Variants in CCDC24 observed in about 807,000 individuals in gnomAD.
CCDC24 encodes coiled-coil domain containing 24.
In CCDC24, 34 loss-of-function variants were observed where a neutral mutation model predicts 31.6. That is an observed-to-expected ratio of 1.08 (90% CI 0.82 to 1.43). The LOEUF (loss-of-function observed/expected upper bound fraction) is 1.43. Ranked by LOEUF, CCDC24 falls within the 40% of genes most tolerant of loss-of-function variation. The pLI, the probability that CCDC24 is intolerant of heterozygous loss-of-function variation, is 0.00. For synonymous variants in CCDC24, 175 were observed against 157.3 expected (o/e 1.11, Z -0.84); for missense variants, 426 against 391.1 (o/e 1.09, Z -0.75).
chr1:43,992,480 C>T, intron 3 of CCDC24, 43 bp from the exon 4 acceptor site: 1 of 1,613,248 alleles, frequency 6.2e-7, no homozygotes, highest in Middle Eastern at 1.7e-4. Flanking sequence ...CTGTGGTTTC[C>T]AGAAAGGAGC....
chr1:43,996,485 A>C lies in CCDC24; in HGVS notation c.*325A>C, dbSNP rs1393264728. On this transcript the variant is annotated 3_prime_UTR_variant, in exon 9 of 9. Transcript: ENST00000372318. ...CCCAGACAAAGCACAGCAGCCGCTCAGAGACAGGAATAGAAATTTCATTAA... is the reference window on the plus strand; with the variant it reads ...CCCAGACAAAGCACAGCAGCCGCTCCGAGACAGGAATAGAAATTTCATTAA... The C allele has an allele frequency of 2.9e-6, 1 of 344,314 alleles. No individual in the cohort carries two copies. Among genetic ancestry groups the C allele is most frequent in the African/African-American group, 2.1e-5 (1 of 47,286 alleles). 21.3% of individuals were successfully genotyped at this position (344,314 alleles called of 1,614,324 possible). A position where few individuals can be genotyped will look rare whatever the true frequency, so the allele number is the denominator to read the frequency against.
Position 43,995,534 on chromosome 1 carries a change from G to A in CCDC24, c.553-67G>A. On this transcript the variant is annotated intron_variant, in intron 6 of 8. Transcript: ENST00000372318. This position sits in a 1 kb window ranked among gnomAD's most constrained non-coding sequence, Gnocchi z 4.3. ...TGCACGGGCCTGCCCTGGGGATCTT[G>A]GCCTCTGTATCCTGCCTTGCCCCAC... 6.8e-7 allele frequency: 1 copy of A among 1,476,102 alleles called. No homozygotes were observed. The highest frequency in any genetic ancestry group is 2.2e-5 in the Admixed American group (1 of 45,148). 91.4% of individuals were successfully genotyped at this position (1,476,102 alleles called of 1,614,324 possible). A position where few individuals can be genotyped will look rare whatever the true frequency, so the allele number is the denominator to read the frequency against.
rs2085765943 is a variant in CCDC24, at chr1:43,992,566, C to T, written c.346C>T (p.His116Tyr). The T allele has an allele frequency of 1.9e-6, 3 of 1,614,120 alleles. No individual in the cohort carries two copies. The highest frequency in any genetic ancestry group is 1.7e-5 in the Admixed American group (1 of 60,010). The change falls in exon 4 of 9, where the codon CAC (histidine) becomes TAC (tyrosine). Residue 116 changes from histidine to tyrosine, a missense_variant. By Grantham distance (83) the His-to-Tyr change is moderately conservative (BLOSUM62 2). Coordinates refer to ENST00000372318, the MANE Select transcript of CCDC24 (RefSeq NM_152499.4). ...AWVQYSPRVL[H>Y]FALEEPRCDL... ...GGTCCAGTATAGCCCCAGGGTCCTGCACTTTGCCTTGGAGGAGCCCAGGTG... is the reference window on the plus strand; with the variant it reads ...GGTCCAGTATAGCCCCAGGGTCCTGTACTTTGCCTTGGAGGAGCCCAGGTG...
At chr1:43,994,986 G>T (rs1452556505) in intron 5 of CCDC24, 122 bp from the exon 6 acceptor site, 2 of 830,162 alleles carry the variant, frequency 2.4e-6, no homozygotes, top group Admixed American at 4.1e-5. Context: ...GGGCAGTGTG[G>T]GCTGAGGAAG....
At chr1:43,992,919 G>GTAT (rs1275348655) in intron 4 of CCDC24, among the ~76,000 whole-genome samples, 20 of 152,220 alleles carry the variant, frequency 1.3e-4, no homozygotes, top group Non-Finnish European at 2.4e-4. Flanking sequence ...GAGCTTTGTA[G>GTAT]GAAGAGGGAA....
In CCDC24 at chr1:43,995,245, C is replaced by T; in HGVS notation, c.552+83C>T. The T allele has an allele frequency of 2.3e-6, 3 of 1,303,016 alleles. No homozygotes were observed. Among genetic ancestry groups the T allele is most frequent in the Admixed American group, 2.0e-5 (1 of 50,578 alleles). The allele number at this position is 1,303,016 out of a possible 1,614,324, so 80.7% of individuals were successfully genotyped here. A position where few individuals can be genotyped will look rare whatever the true frequency, so the allele number is the denominator to read the frequency against. ...TGGGTGAGACCCATGTACCTGTGTG[C>T]ATACATAGGTGCATGTACAGGCTAT... On this transcript the variant is annotated intron_variant, in intron 6 of 8. Transcript: ENST00000372318. The surrounding 1 kb of genome is among the most constrained non-coding windows in gnomAD (Gnocchi z 4.3).
In CCDC24 at chr1:43,992,347, T is replaced by C. The variant is rs2085761688; in HGVS notation, c.262T>C (p.Leu88=). 6.2e-7 allele frequency: 1 copy of C among 1,614,184 alleles called. No individual in the cohort carries two copies. The highest frequency in any genetic ancestry group is 1.3e-5 in the African/African-American group (1 of 75,050). Residue 88 remains leucine, a synonymous_variant, in exon 3 of 9, where the codon TTG becomes CTG. Coordinates refer to ENST00000372318, the MANE Select transcript of CCDC24 (RefSeq NM_152499.4). ...KDLLRQELRQ[L]LQGLRHKAIC... ...CCTCTTGCGCCAGGAGCTCCGGCAG[T>C]TGCTCCAGGGTCTCCGCCACAAAGC...
rs770229869 is a variant in CCDC24 at position 43,995,771 on chromosome 1, C to T, written c.623-7C>T. ...TGGGCACTGTCTCAGCCCAATCTCT[C>T]CTTCAGAGCTAAAGGAACAGAAGAA... On this transcript the variant is annotated splice_polypyrimidine_tract_variant and splice_region_variant and intron_variant, in intron 7 of 8. Coordinates refer to ENST00000372318, the MANE Select transcript of CCDC24 (RefSeq NM_152499.4). This position sits in a 1 kb window ranked among gnomAD's most constrained non-coding sequence, Gnocchi z 4.3. 8 of 1,614,110 alleles carry T rather than the reference C, an allele frequency of 5.0e-6. No individual in the cohort carries two copies. The African/African-American group carries it at 1.1e-4, about 22-fold the overall frequency.
intron 2 of CCDC24, 75 bp from the exon 3 acceptor site, chr1:43,992,137 T>TC: frequency 1.3e-6 from 2 of 1,519,884 alleles, no homozygotes; most frequent in Non-Finnish European, 1.8e-6. Context: ...CTCCGCCCTC[T>TC]CCCTCACTCC....
At position 43,995,898 on chromosome 1, in the gene CCDC24, A is replaced by T; in HGVS notation, c.702-40A>T. 1.2e-6 allele frequency: 2 copies of T among 1,612,896 alleles called. No individual in the cohort carries two copies. The highest frequency in any genetic ancestry group is 1.7e-6 in the Non-Finnish European group (2 of 1,178,860). ...GACACAGGGCAGGGTGGACTGAAGG[A>T]TCAGACCACCACCCCTCACAGTTAC... On this transcript the variant is annotated intron_variant, in intron 8 of 8. Transcript: ENST00000372318. The surrounding 1 kb of genome is among the most constrained non-coding windows in gnomAD (Gnocchi z 4.3).
rs1309074128 is a variant in CCDC24 at position 43,995,986 on chromosome 1, C to A, written c.750C>A (p.Pro250=). 6.2e-7 allele frequency: 1 copy of A among 1,614,196 alleles called. No homozygotes were observed. The highest frequency in any genetic ancestry group is 8.5e-7 in the Non-Finnish European group (1 of 1,180,018). The change falls in exon 9 of 9, where the codon CCC becomes CCA. Residue 250 remains proline, a synonymous_variant. Transcript: ENST00000372318. This position sits in a 1 kb window ranked among gnomAD's most constrained non-coding sequence, Gnocchi z 4.3. ...SSTQGLRPPL[P]LCGVAPLQCC... ...CACAGGGCCTCAGACCCCCGCTTCC[C>A]CTCTGCGGGGTTGCACCTCTCCAGT... is the stretch of plus-strand genomic sequence containing the variant.
rs558829740 is a variant in CCDC24, at chr1:43,994,586, G to A, written c.498-522G>A. ...CTCCCGAGTAGCTGGGACTACAGAT[G>A]CCCACCACCATGCCCAGCTAATTTT... On this transcript the variant is annotated intron_variant, in intron 5 of 8. Transcript: ENST00000372318. The A allele has an allele frequency of 1.7e-3, 266 of 160,744 alleles. 1 individual carries two copies. Among genetic ancestry groups the A allele is most frequent in the African/African-American group, 5.9e-3 (244 of 41,568 alleles). The allele number at this position is 160,744 out of a possible 1,614,324, so 10.0% of individuals were successfully genotyped here. A position where few individuals can be genotyped will look rare whatever the true frequency, so the allele number is the denominator to read the frequency against.
At chr1:43,992,919 G>A (rs1375018607) in intron 4 of CCDC24, among the ~76,000 whole-genome samples, 1 of 152,220 alleles carries the variant, frequency 6.6e-6, no homozygotes, top group African/African-American at 2.4e-5. Flanking sequence ...GAGCTTTGTA[G>A]GAAGAGGGAA....
At position 43,991,836 on chromosome 1, in the gene CCDC24, G is replaced by T; in HGVS notation, c.-32-11G>T. Reference sequence around the variant, plus strand: ...CGCGGTACCTCCCGCACTCTGACCTGCGGCCCGTAGGTCCGAGCCGGGGAC... The same window carrying T: ...CGCGGTACCTCCCGCACTCTGACCTTCGGCCCGTAGGTCCGAGCCGGGGAC... On this transcript the variant is annotated splice_polypyrimidine_tract_variant and intron_variant, in intron 1 of 8. Coordinates refer to ENST00000372318, the MANE Select transcript of CCDC24 (RefSeq NM_152499.4). 6.5e-7 allele frequency: 1 copy of T among 1,545,132 alleles called. No individual in the cohort carries two copies. The highest frequency in any genetic ancestry group is 8.7e-7 in the Non-Finnish European group (1 of 1,144,332).
At chr1:43,992,731 CCA>C in intron 4 of CCDC24, 92 bp downstream of exon 4, 1 of 1,165,140 alleles carries the variant, frequency 8.6e-7, no homozygotes, top group South Asian at 1.3e-5. Context: ...GCAGGAGATT[CCA>C]GTCACGGGCT....
Position 43,992,260 on chromosome 1 carries a change from C to G in CCDC24, c.175C>G (p.Pro59Ala), listed in dbSNP as rs754877230. ...CCAAGAGGCTCGATCCTCTCAAGCC[C>G]CCAGCTCCCGCCCCATCTCTGACCC... Reference protein sequence around the residue: ...LLQEARSSQAPSSRPISDPSS... With the variant: ...LLQEARSSQAASSRPISDPSS... The change falls in exon 3 of 9, where the codon CCC becomes GCC. Residue 59 changes from proline to alanine, a missense_variant. By Grantham distance (27) the Pro-to-Ala change is conservative. Coordinates refer to ENST00000372318, the MANE Select transcript of CCDC24 (RefSeq NM_152499.4). 11 of 1,614,108 alleles carry G rather than the reference C, an allele frequency of 6.8e-6. No individual in the cohort carries two copies. Among genetic ancestry groups the G allele is most frequent in the Non-Finnish European group, 9.3e-6 (11 of 1,180,002 alleles).
chr1:43,991,700 T>C lies in CCDC24; in HGVS notation c.-79T>C. 1.2e-6 allele frequency: 1 copy of C among 841,364 alleles called. No homozygotes were observed. The highest frequency in any genetic ancestry group is 2.0e-6 in the Non-Finnish European group (1 of 512,330). 52.1% of individuals were successfully genotyped at this position (841,364 alleles called of 1,614,324 possible). ...AGAAGAGAGCGCCAAGGACTGGCAG[T>C]TCCGGAACGGGCAATCCCAGCCGAG... On this transcript the variant is annotated 5_prime_UTR_variant, in exon 1 of 9. Transcript: ENST00000372318.
Position 43,995,595 on chromosome 1 carries a change from C to T in CCDC24, c.553-6C>T, listed in dbSNP as rs761997453. 2.5e-6 allele frequency: 4 copies of T among 1,603,608 alleles called. No individual in the cohort carries two copies. In the South Asian group the frequency reaches 3.3e-5, roughly 13 times the overall value. On this transcript the variant is annotated splice_polypyrimidine_tract_variant and splice_region_variant and intron_variant, in intron 6 of 8. Coordinates refer to ENST00000372318, the MANE Select transcript of CCDC24 (RefSeq NM_152499.4). This position sits in a 1 kb window ranked among gnomAD's most constrained non-coding sequence, Gnocchi z 4.3. ...AGTCTGGGCACTGACGCAGCTCTCC[C>T]TGCAGCGCTGCCTGGAAGAGGAGTA...
intron 2 of CCDC24, 99 bp from the exon 3 acceptor site, chr1:43,992,113 G>C (rs1008594422): frequency 1.3e-6 from 2 of 1,512,622 alleles, no homozygotes; most frequent in Non-Finnish European, 1.8e-6. Flanking sequence ...ATCCTATCCT[G>C]GTCTCCCCTT....
Sources: gnomAD v4.1 joint callset for allele counts (sites outside exome capture counted in the v4.1 genomes callset) on GRCh38, gnomAD v4.1.1 for gene constraint, Gnocchi (gnomAD v3.1) non-coding constraint, MANE v1.5 for transcripts, NCBI Gene and HGNC (gene_info 2026-07-23, HGNC 2026-07-21) for gene names.